SIPA1L2: variants seen among roughly 807,000 people sequenced by gnomAD.
SIPA1L2 encodes the protein signal induced proliferation associated 1 like 2, also known as signal-induced proliferation-associated 1-like protein 2.
SIPA1L2 carries 56 observed loss-of-function variants against 163.9 expected under a neutral mutation model. The ratio of observed to expected loss-of-function variants is 0.34; its 90% CI spans 0.28 to 0.43. SIPA1L2 has a LOEUF of 0.43. Ranked by LOEUF, SIPA1L2 falls within the 20% of genes least tolerant of loss-of-function variation. The probability of loss-of-function intolerance (pLI) is 1.00; values close to 1 mark genes in which losing one functional copy is unlikely to be tolerated. For missense variants in SIPA1L2, 1,974 were observed against 2,193.5 expected, an observed-to-expected ratio of 0.90 and a Z score of 2.00; for synonymous variants, 877 against 865.7, an observed-to-expected ratio of 1.01 and a Z score of -0.23.
chr1:232,514,361 G>A lies in SIPA1L2; in HGVS notation c.979C>T (p.Arg327Ter). Residue 327 changes from arginine to a stop codon, truncating the protein, a stop_gained, in exon 3 of 23, where the codon CGA becomes TGA. Transcript: ENST00000674635. LOFTEE classifies it high-confidence loss of function. ...ERGIRPWNCQ[R>*]CFAHYDVQSI... ...TGGACATCATAATGTGCAAAACATCGCTGACAATTCCAAGGGCGAATGCCC... is the reference window on the plus strand; with the variant it reads ...TGGACATCATAATGTGCAAAACATCACTGACAATTCCAAGGGCGAATGCCC... 6.2e-7 allele frequency: 1 copy of A among 1,613,336 alleles called. No homozygotes were observed.
chr1:232,596,860 T>C (rs1480366378), intron 1 of SIPA1L2, among the ~76,000 whole-genome samples: 2 of 152,138 alleles, frequency 1.3e-5, no homozygotes, highest in African/African-American at 4.8e-5. Flanking sequence ...ACTTATCTGA[T>C]TAGAAAATGG....
At chr1:232,404,227 C>T (rs765423152) in intron 19 of SIPA1L2, 49 bp from the exon 20 acceptor site, 11 of 1,576,128 alleles carry the variant, frequency 7.0e-6, no homozygotes, top group Admixed American at 3.4e-5. Context: ...TCTCTCTATA[C>T]TTGAGAATCT....
chr1:232,443,815 T>C, intron 11 of SIPA1L2, 130 bp from the exon 12 acceptor site: 2 of 660,034 alleles, frequency 3.0e-6, no homozygotes. Flanking sequence ...CATATTGCCA[T>C]GTGAAACAGA....
intron 1 of SIPA1L2, among the ~76,000 whole-genome samples, chr1:232,602,032 A>C (rs944017033): frequency 2.0e-5 from 3 of 152,186 alleles, no homozygotes; most frequent in East Asian, 1.9e-4. Context: ...CCCTTGAGAA[A>C]AGCCCTCGCA....
Position 232,445,418 on chromosome 1 carries a change from G to C in SIPA1L2, c.3353+111C>G. The C allele has an allele frequency of 4.7e-6, 7 of 1,490,388 alleles. No homozygotes were observed. The East Asian group carries it at 1.2e-4, about 25-fold the overall frequency. The allele number at this position is 1,490,388 out of a possible 1,614,324, so 92.3% of individuals were successfully genotyped here. On this transcript the variant is annotated intron_variant, in intron 11 of 22. Transcript: ENST00000674635. ...GCCTTGCTACCCTGCTTGCCAACTT[G>C]CTGTGAACAAGCTAACTCAGAAGTG...
At chr1:232,490,002 G>A (rs1665845622) in intron 5 of SIPA1L2, among the ~76,000 whole-genome samples, 2 of 151,858 alleles carry the variant, frequency 1.3e-5, no homozygotes, top group Admixed American at 6.6e-5. Context: ...TATCTTCGGC[G>A]GCCTGTACAA....
rs141148302 is a variant in SIPA1L2, at chr1:232,549,855, T to C, written c.-270+24319A>G. The stretch of plus-strand genomic sequence containing the variant: ...CTAATTGACTATACCACCGCTGCCT[T>C]AGATTATAATAACCAGCAGGGAAAA... On this transcript the variant is annotated intron_variant, in intron 2 of 22. Transcript: ENST00000674635. Among the ~76,000 whole-genome samples, 1,177 of 152,338 alleles carry C rather than the reference T, an allele frequency of 7.7e-3. 30 individuals are homozygous for C. Among genetic ancestry groups the C allele is most frequent in the Admixed American group, 0.049 (755 of 15,290 alleles).
intron 7 of SIPA1L2, among the ~76,000 whole-genome samples, chr1:232,478,194 G>A (rs575640954): frequency 6.6e-6 from 1 of 152,316 alleles, no homozygotes; most frequent in East Asian, 1.9e-4. Flanking sequence ...GTGATTTTAA[G>A]TCTATGCTTA....
intron 18 of SIPA1L2, among the ~76,000 whole-genome samples, chr1:232,418,770 T>TC (rs1281922096): frequency 1.3e-5 from 2 of 152,148 alleles, no homozygotes; most frequent in African/African-American, 4.8e-5. Context: ...CAAAATATTG[T>TC]CCCCCCTCCT....
intron 2 of SIPA1L2, among the ~76,000 whole-genome samples, chr1:232,553,084 A>G (rs999024687): frequency 6.6e-6 from 1 of 152,198 alleles, no homozygotes; most frequent in Admixed American, 6.5e-5. Flanking sequence ...GCATCAGGTC[A>G]CACACAGACT....
Position 232,465,236 on chromosome 1 carries a change from G to A in SIPA1L2, c.2424C>T (p.Tyr808=), listed in dbSNP as rs1371659071. The change falls in exon 9 of 23, where the codon TAC becomes TAT. Residue 808 remains tyrosine, a synonymous_variant. Coordinates refer to ENST00000674635, the MANE Select transcript of SIPA1L2 (RefSeq NM_020808.5). This position sits in a 1 kb window ranked among gnomAD's most constrained non-coding sequence, Gnocchi z 4.1. ...CAAAGTTCTCCGCCAGATCTTTCAAGTACTCCTGCCTCGTTCGAGTGGCCA... is the reference window on the plus strand; with the variant it reads ...CAAAGTTCTCCGCCAGATCTTTCAAATACTCCTGCCTCGTTCGAGTGGCCA... The part of the protein sequence containing the change: ...RAMATRTRQE[Y]LKDLAENFVT... 1 of 1,614,186 alleles carries A rather than the reference G, an allele frequency of 6.2e-7. No individual in the cohort carries two copies. The highest frequency in any genetic ancestry group is 1.1e-5 in the South Asian group (1 of 91,088).
chr1:232,590,627 T>C (rs532920566), intron 1 of SIPA1L2, among the ~76,000 whole-genome samples: 8 of 152,308 alleles, frequency 5.3e-5, no homozygotes, highest in African/African-American at 1.7e-4. Flanking sequence ...GAGAAGCACA[T>C]GGCATTGGGC....
chr1:232,423,562 G>A (rs866356354), intron 18 of SIPA1L2, among the ~76,000 whole-genome samples: 87 of 152,156 alleles, frequency 5.7e-4, no homozygotes, highest in African/African-American at 2.0e-3. Context: ...TGGAGGAGAT[G>A]TATCACCAAA....
At chr1:232,575,783 T>C (rs1433599153) in intron 1 of SIPA1L2, among the ~76,000 whole-genome samples, 2 of 152,076 alleles carry the variant, frequency 1.3e-5, no homozygotes, top group Admixed American at 1.3e-4. Flanking sequence ...CAAACGCCCA[T>C]TAGATGAATA....
intron 12 of SIPA1L2, 90 bp from the exon 13 acceptor site, chr1:232,441,958 G>T: frequency 9.5e-7 from 1 of 1,057,582 alleles, no homozygotes; most frequent in Non-Finnish European, 1.4e-6. Context: ...AGTAGGCTAT[G>T]CGAGGGAAAG....
intron 18 of SIPA1L2, among the ~76,000 whole-genome samples, chr1:232,420,562 G>A (rs895320164): frequency 2.3e-4 from 35 of 152,196 alleles, no homozygotes; most frequent in Admixed American, 6.5e-4. Context: ...GTGGCTGGGC[G>A]TGGTGGCTCA....
chr1:232,616,513 C>T lies in SIPA1L2; in HGVS notation c.-319+13356G>A, dbSNP rs78017526. Among the ~76,000 whole-genome samples, 4,562 of 152,280 alleles carry T rather than the reference C, an allele frequency of 0.03. 387 individuals are homozygous for T. In the East Asian group the frequency reaches 0.36, roughly 12 times the overall value. ...CCCCTTCCACCTCAACAAGCCTCAG[C>T]GCAGACCACTCAGGGCAATGCAGTG... On this transcript the variant is annotated intron_variant, in intron 1 of 22. Coordinates refer to ENST00000674635, the MANE Select transcript of SIPA1L2 (RefSeq NM_020808.5).
intron 2 of SIPA1L2, among the ~76,000 whole-genome samples, chr1:232,517,815 AG>A (rs1157859605): frequency 6.6e-6 from 1 of 152,212 alleles, no homozygotes; most frequent in Non-Finnish European, 1.5e-5. Flanking sequence ...CTGAGGCAGG[AG>A]GATCGCTTGA....
rs567235653 is a variant in SIPA1L2, at chr1:232,514,826, C to T, written c.514G>A (p.Glu172Lys). The T allele has an allele frequency of 1.9e-5, 30 of 1,614,166 alleles. No homozygotes were observed. Among genetic ancestry groups the T allele is most frequent in the Non-Finnish European group, 2.5e-5 (29 of 1,180,034 alleles). The change falls in exon 3 of 23, where the codon GAA becomes AAA. Residue 172 changes from glutamate (E) to lysine (K), a missense_variant. Coordinates refer to ENST00000674635, the MANE Select transcript of SIPA1L2 (RefSeq NM_020808.5). ...ACTGCATTTTGGTCTAAGACATCTT[C>T]GGCATCAATGTCACTGATAGTGACA... is the stretch of plus-strand genomic sequence containing the variant. ...SDVTISDIDA[E>K]DVLDQNAVNP...
Sources: gnomAD v4.1 joint callset for allele counts (sites outside exome capture counted in the v4.1 genomes callset) on GRCh38, gnomAD v4.1.1 for gene constraint, Gnocchi (gnomAD v3.1) non-coding constraint, MANE v1.5 for transcripts, NCBI Gene and HGNC (gene_info 2026-07-23, HGNC 2026-07-21) for gene names.